The following ADAMTSL1 variants were observed in gnomAD, a reference collection of about 807,000 sequenced individuals.
ADAMTSL1 encodes the protein ADAMTS like 1.
A neutral mutation model predicts 201.8 loss-of-function variants in ADAMTSL1; 126 were observed. The ratio of observed to expected loss-of-function variants is 0.62; its 90% confidence interval spans 0.54 to 0.72. The LOEUF (loss-of-function observed/expected upper bound fraction) is 0.72. Among genes scored for constraint, ADAMTSL1 ranks in the 30% least tolerant of loss-of-function variants. The probability of loss-of-function intolerance (pLI) is 0.00; values close to 1 mark genes in which losing one functional copy is unlikely to be tolerated. For missense variants in ADAMTSL1, 2,679 were observed against 2,277.8 expected (o/e 1.18, Z -3.59); for synonymous variants, 1,121 against 903.4 (o/e 1.24, Z -4.32).
chr9:18,180,346 A>C (rs1828401454), intron 2 of ADAMTSL1, among the ~76,000 whole-genome samples: 2 of 151,948 alleles, frequency 1.3e-5, no homozygotes, highest in Admixed American at 1.3e-4. Context: ...ATCCCGGCTA[A>C]AACGGTGAAA....
chr9:18,526,803 G>A (rs182084820), intron 2 of ADAMTSL1, among the ~76,000 whole-genome samples: 1 of 152,318 alleles, frequency 6.6e-6, no homozygotes, highest in East Asian at 1.9e-4. Context: ...GAGAAACTGT[G>A]TTCCAGTACT....
intron 2 of ADAMTSL1, among the ~76,000 whole-genome samples, chr9:18,167,796 T>C (rs1386765873): frequency 2.0e-5 from 3 of 152,116 alleles, no homozygotes; most frequent in Non-Finnish European, 4.4e-5. Context: ...TAATTTAATT[T>C]GCTTAATTAT....
intron 23 of ADAMTSL1, among the ~76,000 whole-genome samples, chr9:18,841,907 G>C (rs140124048): frequency 0.18 from 27,894 of 151,592 alleles, 2,570 homozygotes; most frequent in Middle Eastern, 0.29. Context: ...TTTTTATTGC[G>C]TCTATTTGAT....
chr9:18,332,225 C>T (rs1221333285), intron 2 of ADAMTSL1, among the ~76,000 whole-genome samples: 1 of 152,142 alleles, frequency 6.6e-6, no homozygotes, highest in Non-Finnish European at 1.5e-5. Flanking sequence ...ACCATGTTAT[C>T]TTACATAGAT....
At chr9:18,138,337 G>C (rs1475662388) in intron 1 of ADAMTSL1, among the ~76,000 whole-genome samples, 1 of 151,994 alleles carries the variant, frequency 6.6e-6, no homozygotes, top group Admixed American at 6.6e-5. Context: ...GTTTTTTCTA[G>C]ATAGATATCT....
chr9:18,166,490 G>C (rs1182539133), intron 2 of ADAMTSL1, among the ~76,000 whole-genome samples: 1 of 151,820 alleles, frequency 6.6e-6, no homozygotes, highest in Non-Finnish European at 1.5e-5. Context: ...TTAATGAGGT[G>C]ATAAAAAAAT....
chr9:18,020,203 G>C (rs894555273), intron 1 of ADAMTSL1, among the ~76,000 whole-genome samples: 8 of 152,040 alleles, frequency 5.3e-5, no homozygotes, highest in African/African-American at 1.9e-4. Context: ...GTGAATCATT[G>C]GGGGTTGGGG....
At chr9:18,753,719 A>G (rs1247463874) in intron 16 of ADAMTSL1, among the ~76,000 whole-genome samples, 1 of 152,130 alleles carries the variant, frequency 6.6e-6, no homozygotes, top group Non-Finnish European at 1.5e-5. Flanking sequence ...CACCCCAGTG[A>G]CCTCCAAAAG....
intron 1 of ADAMTSL1, among the ~76,000 whole-genome samples, chr9:17,915,705 C>G (rs1826065468): frequency 6.6e-6 from 1 of 152,148 alleles, no homozygotes; most frequent in Admixed American, 6.5e-5. Flanking sequence ...GCATCCTTGC[C>G]AATACCTGGT....
chr9:18,720,605 A>G (rs567368034), intron 14 of ADAMTSL1, among the ~76,000 whole-genome samples: 232 of 152,260 alleles, frequency 1.5e-3, no homozygotes, highest in African/African-American at 5.2e-3. Context: ...CAGCATGGTG[A>G]AACCCCATCT....
At chr9:17,907,832 T>G (rs1236654582) in intron 1 of ADAMTSL1, among the ~76,000 whole-genome samples, 2 of 152,128 alleles carry the variant, frequency 1.3e-5, no homozygotes, top group Admixed American at 6.5e-5. Context: ...ACCCACGAAT[T>G]GGGCAGTTTG....
intron 1 of ADAMTSL1, among the ~76,000 whole-genome samples, chr9:17,969,697 T>C (rs1264664777): frequency 6.6e-6 from 1 of 152,056 alleles, no homozygotes; most frequent in East Asian, 1.9e-4. Flanking sequence ...GTCTAATCTA[T>C]ACATTAAGTT....
rs188802978 is a variant in ADAMTSL1, at chr9:18,646,897, G to A, written c.834+7486G>A. On this transcript the variant is annotated intron_variant, in intron 7 of 28. Coordinates refer to ENST00000380548, the MANE Select transcript of ADAMTSL1 (RefSeq NM_001040272.6). ...CGGCTTTGGTATCAGGATGATGCAGGCCTCATCAAATGAGTTAGGGAGGAT... is the reference window on the plus strand; with the variant it reads ...CGGCTTTGGTATCAGGATGATGCAGACCTCATCAAATGAGTTAGGGAGGAT... Among the ~76,000 whole-genome samples the A allele has an allele frequency of 5.9e-5, 9 of 152,158 alleles. No homozygotes were observed. The South Asian group carries it at 1.2e-3, about 21-fold the overall frequency.
chr9:18,620,298 C>T lies in ADAMTSL1; in HGVS notation c.475-1945C>T, dbSNP rs1031879531. On this transcript the variant is annotated intron_variant, in intron 4 of 28. Transcript: ENST00000380548. ...CATGATTATCATTTTACACTTATTG[C>T]GTGTGATGATTTGGGCACTATCTCC... Among the ~76,000 whole-genome samples, 6 of 152,104 alleles carry T rather than the reference C, an allele frequency of 3.9e-5. No individual in the cohort carries two copies. The South Asian group carries it at 6.2e-4, about 16-fold the overall frequency.
chr9:18,148,455 C>T (rs182647197), intron 1 of ADAMTSL1, among the ~76,000 whole-genome samples: 2 of 151,836 alleles, frequency 1.3e-5, no homozygotes, highest in East Asian at 1.9e-4. Flanking sequence ...AAATGGGAAT[C>T]GGCACAACTA....
Position 18,775,964 on chromosome 9 carries a change from C to A in ADAMTSL1, c.2551+68C>A, listed in dbSNP as rs111406940. The A allele has an allele frequency of 2.2e-4, 331 of 1,536,200 alleles. 3 individuals carry two copies. The African/African-American group carries it at 3.8e-3, about 18-fold the overall frequency. On this transcript the variant is annotated intron_variant, in intron 18 of 28. Transcript: ENST00000380548. ...ACAGCAGCAGCTATAGCCACCACGC[C>A]GTGGCCTTCCCTAAACTCAAGACCT...
At chr9:18,141,881 C>G (rs1826412082) in intron 1 of ADAMTSL1, among the ~76,000 whole-genome samples, 1 of 152,204 alleles carries the variant, frequency 6.6e-6, no homozygotes, top group Non-Finnish European at 1.5e-5. Context: ...AACCACTGTG[C>G]AGCTGTGGTC....
intron 2 of ADAMTSL1, among the ~76,000 whole-genome samples, chr9:18,300,977 A>G (rs1833687611): frequency 6.6e-6 from 1 of 152,186 alleles, no homozygotes; most frequent in Non-Finnish European, 1.5e-5. Flanking sequence ...TGAGCAGGCA[A>G]AAAAATGTAC....
intron 2 of ADAMTSL1, among the ~76,000 whole-genome samples, chr9:18,170,482 A>C (rs188508949): frequency 8.9e-4 from 135 of 152,174 alleles, no homozygotes; most frequent in Non-Finnish European, 1.5e-3. Flanking sequence ...CAAAACTATA[A>C]AAACTGAAGT....
Sources: gnomAD v4.1 joint callset for allele counts (sites outside exome capture counted in the v4.1 genomes callset) on GRCh38, gnomAD v4.1.1 for gene constraint, MANE v1.5 for transcripts, NCBI Gene and HGNC (gene_info 2026-07-23, HGNC 2026-07-21) for gene names.